EIF3J: variants seen among roughly 807,000 people sequenced by gnomAD.
EIF3J encodes the protein eukaryotic translation initiation factor 3, subunit 1 (alpha, 35kD).
Under a neutral mutation model 39.0 loss-of-function variants are expected in EIF3J, and 15 were observed. That is an observed-to-expected ratio of 0.38 (90% CI 0.26 to 0.59). EIF3J has a LOEUF of 0.59. Ranked by LOEUF, EIF3J falls within the 20% of genes least tolerant of loss-of-function variation. The pLI is 0.60. For synonymous variants in EIF3J, 98 were observed against 112.9 expected, an observed-to-expected ratio of 0.87 and a Z score of 0.84; for missense variants, 226 against 308.6, an observed-to-expected ratio of 0.73 and a Z score of 2.00.
chr15:44,552,417 G>C (rs2082107122), intron 4 of EIF3J, among the ~76,000 whole-genome samples: 1 of 151,344 alleles, frequency 6.6e-6, no homozygotes, highest in Non-Finnish European at 1.5e-5. Flanking sequence ...GCTAATCTTT[G>C]TATTTTTAGT....
chr15:44,552,525 A>T (rs1595804455), intron 4 of EIF3J, among the ~76,000 whole-genome samples: 2 of 151,172 alleles, frequency 1.3e-5, no homozygotes, highest in Non-Finnish European at 2.9e-5. Context: ...GATTACAAGC[A>T]TGAGCCACCA....
chr15:44,549,053 A>G (rs1341376615), intron 2 of EIF3J, among the ~76,000 whole-genome samples: 1 of 152,098 alleles, frequency 6.6e-6, no homozygotes, highest in Non-Finnish European at 1.5e-5. Flanking sequence ...AAAAAATGAA[A>G]CCCTATACAT....
intron 2 of EIF3J, among the ~76,000 whole-genome samples, chr15:44,540,172 C>T (rs1260040818): frequency 9.6e-5 from 14 of 146,102 alleles, no homozygotes; most frequent in African/African-American, 3.0e-4. Flanking sequence ...CTCCTGACTT[C>T]GTGATCCACC....
chr15:44,552,624 G>C (rs1457994367), intron 4 of EIF3J, among the ~76,000 whole-genome samples: 1 of 151,928 alleles, frequency 6.6e-6, no homozygotes, highest in Non-Finnish European at 1.5e-5. Flanking sequence ...GAGTGCAATG[G>C]CGTGATCTTG....
At chr15:44,554,110 C>G (rs2082124049) in intron 4 of EIF3J, among the ~76,000 whole-genome samples, 1 of 152,130 alleles carries the variant, frequency 6.6e-6, no homozygotes, top group Admixed American at 6.6e-5. Context: ...GGCGCAGTGG[C>G]TCACACCTGT....
Position 44,561,392 on chromosome 15 carries a change from TGTTGTC to T in EIF3J, c.*249_*254del, listed in dbSNP as rs2082194931. ...TAAATCATAGTTCAAAACCTAATAA[TGTTGTC>T]GTTGTTGCTATCTGATTTCATAGCA... On this transcript the variant is annotated 3_prime_UTR_variant, in exon 8 of 8. Coordinates refer to ENST00000261868, the MANE Select transcript of EIF3J (RefSeq NM_003758.4). 2 of 303,782 alleles carry T rather than the reference TGTTGTC, an allele frequency of 6.6e-6. No individual in the cohort carries two copies. Among genetic ancestry groups the T allele is most frequent in the South Asian group, 1.2e-4 (2 of 16,126 alleles). The allele number at this position is 303,782 out of a possible 1,614,324, so 18.8% of individuals were successfully genotyped here.
chr15:44,540,165 CTGACTTCG>C (rs2081999250), intron 2 of EIF3J, among the ~76,000 whole-genome samples: 1 of 147,986 alleles, frequency 6.8e-6, no homozygotes, highest in Admixed American at 6.7e-5. Context: ...TCTTGAACTC[CTGACTTCG>C]TGATCCACCC....
chr15:44,547,742 C>T (rs922181704), intron 2 of EIF3J, among the ~76,000 whole-genome samples: 19 of 152,258 alleles, frequency 1.2e-4, no homozygotes, highest in African/African-American at 3.4e-4. Flanking sequence ...GCCACGCACC[C>T]GGCCTGACTC....
intron 6 of EIF3J, chr15:44,559,077 G>A (rs2140903288): frequency 6.6e-6 from 1 of 152,222 alleles, no homozygotes; most frequent in East Asian, 1.9e-4. Flanking sequence ...GACATCATGG[G>A]ATAGGGTGTT....
intron 7 of EIF3J, 94 bp downstream of exon 7, chr15:44,560,416 A>C: frequency 8.4e-7 from 1 of 1,188,426 alleles, no homozygotes; most frequent in South Asian, 1.4e-5. Flanking sequence ...GTCCTAATTA[A>C]AAGTCAAGCA....
intron 2 of EIF3J, among the ~76,000 whole-genome samples, chr15:44,541,735 A>AT (rs1254546331): frequency 5.9e-5 from 9 of 152,208 alleles, no homozygotes; most frequent in African/African-American, 2.2e-4. Flanking sequence ...GAAAATGGGT[A>AT]TTTTGAAGAG....
chr15:44,539,556 A>G (rs1356537781), intron 2 of EIF3J, among the ~76,000 whole-genome samples: 2 of 150,216 alleles, frequency 1.3e-5, no homozygotes, highest in Non-Finnish European at 3.0e-5. Context: ...GCCCACCACC[A>G]CGCCCGGCTA....
rs1421323672 is a variant in EIF3J, at chr15:44,562,561, C to T, written c.*1412C>T. 6.5e-6 allele frequency: 1 copy of T among 153,262 alleles called. No individual in the cohort carries two copies. The highest frequency in any genetic ancestry group is 6.5e-5 in the Admixed American group (1 of 15,338). 9.5% of individuals were successfully genotyped at this position (153,262 alleles called of 1,614,324 possible). A position where few individuals can be genotyped will look rare whatever the true frequency, so the allele number is the denominator to read the frequency against. On this transcript the variant is annotated 3_prime_UTR_variant, in exon 8 of 8. Transcript: ENST00000261868. ...CTCTGTATACCTACTAAGTGGAAAA[C>T]AAGACCATCATCTAAGTGATTTGAG...
At chr15:44,544,703 TA>T (rs34101594) in intron 2 of EIF3J, among the ~76,000 whole-genome samples, 927 of 85,432 alleles carry the variant, frequency 0.011, 16 homozygotes, top group East Asian at 0.063. Context: ...AAACTCCATT[TA>T]AAAAAAAAAA....
rs2082130350 is a variant in EIF3J, at chr15:44,554,675, G to T, written c.409+8G>T. Reference sequence around the variant, plus strand: ...TAGCAAAGGAAACTTTTGGTAAGACGGGATTATGATTGCAATACAGTATTA... The same window carrying T: ...TAGCAAAGGAAACTTTTGGTAAGACTGGATTATGATTGCAATACAGTATTA... On this transcript the variant is annotated splice_region_variant and intron_variant, in intron 5 of 7. Coordinates refer to ENST00000261868, the MANE Select transcript of EIF3J (RefSeq NM_003758.4). 6.3e-7 allele frequency: 1 copy of T among 1,587,500 alleles called. No individual in the cohort carries two copies. Among genetic ancestry groups the T allele is most frequent in the Admixed American group, 1.7e-5 (1 of 58,892 alleles).
chr15:44,553,400 G>A (rs2082117183), intron 4 of EIF3J, among the ~76,000 whole-genome samples: 1 of 151,966 alleles, frequency 6.6e-6, no homozygotes, highest in Non-Finnish European at 1.5e-5. Context: ...GCTGAGGCAG[G>A]AGAATGGTGT....
chr15:44,537,188 G>C lies in EIF3J; in HGVS notation c.-7G>C, dbSNP rs544442013. The C allele has an allele frequency of 1.9e-6, 3 of 1,611,300 alleles. No individual in the cohort carries two copies. The highest frequency in any genetic ancestry group is 3.3e-5 in the Admixed American group (2 of 59,826). On this transcript the variant is annotated 5_prime_UTR_variant, in exon 1 of 8. Transcript: ENST00000261868. The stretch of plus-strand genomic sequence containing the variant: ...TCCCTCTCACACACGCTCACACCCG[G>C]CTCGAGATGGCGGCGGCGGCGGCGG...
rs1160471321 is a variant in EIF3J, at chr15:44,546,816, C to CTTTTTT, written c.148-4037_148-4032dup. Among the ~76,000 whole-genome samples the CTTTTTT allele has an allele frequency of 8.7e-4, 69 of 78,902 alleles. 7 individuals are homozygous for CTTTTTT. The highest frequency in any genetic ancestry group is 5.7e-3 in the East Asian group (12 of 2,092). 51.8% of individuals were successfully genotyped at this position (78,902 alleles called of 152,430 possible). A position where few individuals can be genotyped will look rare whatever the true frequency, so the allele number is the denominator to read the frequency against. The stretch of plus-strand genomic sequence containing the variant: ...GGCATAGAAAAAACAGAGTATAGAT[C>CTTTTTT]TTTTTTTTTTTTTTTTTTTTTTTTT... On this transcript the variant is annotated intron_variant, in intron 2 of 7. Coordinates refer to ENST00000261868, the MANE Select transcript of EIF3J (RefSeq NM_003758.4).
rs553474399 is a variant in EIF3J at position 44,544,162 on chromosome 15, C to T, written c.148-6714C>T. Among the ~76,000 whole-genome samples the T allele has an allele frequency of 1.1e-3, 166 of 148,196 alleles. 1 individual carries two copies. The highest frequency in any genetic ancestry group is 4.0e-3 in the African/African-American group (159 of 40,234). ...AGGCTGGAGTGCAGTGGCGTGATCT[C>T]GGCTCACTGCAACCTCTGCCTCCCG... On this transcript the variant is annotated intron_variant, in intron 2 of 7. Transcript: ENST00000261868.
Sources: allele counts gnomAD v4.1 joint callset (sites outside exome capture counted in the v4.1 genomes callset), GRCh38; gene constraint gnomAD v4.1.1; transcripts MANE v1.5; gene names NCBI Gene and HGNC (gene_info 2026-07-23, HGNC 2026-07-21).